Variants in EFCAB13 observed in about 807,000 individuals in gnomAD.
EFCAB13 encodes EF-hand calcium binding domain 13, also known as EF-hand calcium-binding domain-containing protein 13.
EFCAB13 carries 91 observed loss-of-function variants against 110.2 expected under a neutral mutation model. The ratio of observed to expected loss-of-function variants is 0.83; its 90% CI spans 0.70 to 0.98. The LOEUF is 0.98. Ranked by LOEUF, EFCAB13 falls within the 50% of genes least tolerant of loss-of-function variation. EFCAB13 has a pLI of 0.00. For missense variants in EFCAB13, 968 were observed against 1,119.4 expected (o/e 0.86, Z 1.93); for synonymous variants, 323 against 369.9 (o/e 0.87, Z 1.45).
intron 2 of EFCAB13, 67 bp downstream of exon 2, chr17:47,324,590 A>G (rs768080935): frequency 1.3e-5 from 2 of 152,172 alleles, no homozygotes; most frequent in Non-Finnish European, 2.9e-5. Context: ...ACGTTCATGA[A>G]TGGCAGTAGC....
intron 10 of EFCAB13, among the ~76,000 whole-genome samples, chr17:47,364,106 A>G (rs2065532162): frequency 6.6e-6 from 1 of 152,132 alleles, no homozygotes; most frequent in Non-Finnish European, 1.5e-5. Flanking sequence ...TACTAATTTT[A>G]TAGAATTGTT....
At chr17:47,433,605 G>A (rs3956021) in intron 24 of EFCAB13, among the ~76,000 whole-genome samples, 7,609 of 152,246 alleles carry the variant, frequency 0.05, 250 homozygotes, top group East Asian at 0.11. Flanking sequence ...CAGATGAATT[G>A]CTAGCCTGTA....
intron 24 of EFCAB13, among the ~76,000 whole-genome samples, chr17:47,438,452 A>C (rs1451355960): frequency 6.6e-6 from 1 of 151,580 alleles, no homozygotes; most frequent in Non-Finnish European, 1.5e-5. Flanking sequence ...TTGGTTGTTT[A>C]ACATAATCAC....
At chr17:47,380,074 G>T (rs556999702) in intron 14 of EFCAB13, among the ~76,000 whole-genome samples, 1 of 152,012 alleles carries the variant, frequency 6.6e-6, no homozygotes, top group African/African-American at 2.4e-5. Flanking sequence ...TGTTCAGTTT[G>T]TAAGCAAATA....
chr17:47,436,878 T>C (rs1905226400), intron 24 of EFCAB13, among the ~76,000 whole-genome samples: 1 of 152,122 alleles, frequency 6.6e-6, no homozygotes, highest in Admixed American at 6.6e-5. Context: ...GTTTGTGCTC[T>C]TTCAGTCTTT....
intron 14 of EFCAB13, 50 bp downstream of exon 14, chr17:47,379,303 TGA>T: frequency 6.9e-7 from 1 of 1,440,740 alleles, no homozygotes; most frequent in Non-Finnish European, 9.8e-7. Context: ...AGCAGTGTGT[TGA>T]GAAGAATTAG....
At chr17:47,436,222 G>C (rs1029454186) in intron 24 of EFCAB13, among the ~76,000 whole-genome samples, 1 of 152,116 alleles carries the variant, frequency 6.6e-6, no homozygotes, top group African/African-American at 2.4e-5. Context: ...AAGGATATCA[G>C]TCCGTAGTTT....
At chr17:47,411,824 T>A (rs1477637909) in intron 21 of EFCAB13, among the ~76,000 whole-genome samples, 1 of 152,180 alleles carries the variant, frequency 6.6e-6, no homozygotes, top group African/African-American at 2.4e-5. Context: ...GGGTTTGGTG[T>A]CTGATGCCTG....
intron 11 of EFCAB13, among the ~76,000 whole-genome samples, chr17:47,374,055 G>A (rs1033060698): frequency 6.6e-6 from 1 of 152,038 alleles, no homozygotes; most frequent in African/African-American, 2.4e-5. Context: ...AGAATATTTA[G>A]GAGAGTAATT....
In EFCAB13 at chr17:47,341,920, G is replaced by A; in HGVS notation, c.192-1G>A. ...ATGATTCCAATTTCTGTGTCATTTA[G>A]ATTTGAAACATCAATAATCTTTTGT... On this transcript the variant is annotated splice_acceptor_variant, in intron 5 of 24. Coordinates refer to ENST00000331493, the MANE Select transcript of EFCAB13 (RefSeq NM_152347.5). LOFTEE classifies it high-confidence loss of function. 6.8e-7 allele frequency: 1 copy of A among 1,481,172 alleles called. No individual in the cohort carries two copies. The highest frequency in any genetic ancestry group is 9.2e-7 in the Non-Finnish European group (1 of 1,081,366). 91.8% of individuals were successfully genotyped at this position (1,481,172 alleles called of 1,614,324 possible).
intron 14 of EFCAB13, among the ~76,000 whole-genome samples, chr17:47,383,923 T>C (rs1397463602): frequency 6.6e-6 from 1 of 152,216 alleles, no homozygotes; most frequent in African/African-American, 2.4e-5. Context: ...AGCTGTCGAC[T>C]ATTGATAGTG....
Position 47,374,664 on chromosome 17 carries a change from C to G in EFCAB13, c.1070C>G (p.Ser357Cys). ...SKIMENDDLE[S>C]KRPKNTWQIR... is the part of the protein sequence containing the mutation. The stretch of plus-strand genomic sequence containing the variant: ...ATTATGGAGAATGATGACCTTGAAT[C>G]TAAAAGACCAAAAAATACTTGGCAA... The change falls in exon 12 of 25, where the codon TCT becomes TGT. Residue 357 changes from serine (S) to cysteine (C), a missense_variant. Physicochemically the swap from Ser to Cys is moderately radical, Grantham distance 112 (BLOSUM62 -1). Transcript: ENST00000331493. 6.2e-7 allele frequency: 1 copy of G among 1,610,884 alleles called. No homozygotes were observed. The highest frequency in any genetic ancestry group is 8.5e-7 in the Non-Finnish European group (1 of 1,179,274).
chr17:47,355,782 A>AGGTTGGCCT (rs1291333155), intron 9 of EFCAB13, among the ~76,000 whole-genome samples: 1 of 152,074 alleles, frequency 6.6e-6, no homozygotes, highest in Non-Finnish European at 1.5e-5. Context: ...CAGGTTGGCC[A>AGGTTGGCCT]GGATGGCCTC....
intron 14 of EFCAB13, among the ~76,000 whole-genome samples, chr17:47,386,923 G>A (rs1598744732): frequency 2.6e-5 from 4 of 151,416 alleles, no homozygotes; most frequent in African/African-American, 9.7e-5. Context: ...CTTCGTGGGT[G>A]AGGCGATGCC....
intron 9 of EFCAB13, 117 bp downstream of exon 9, chr17:47,348,068 T>G: frequency 1.3e-6 from 1 of 798,818 alleles, no homozygotes; most frequent in Non-Finnish European, 1.7e-6. Flanking sequence ...AACATCATTT[T>G]TGGTCATATT....
At chr17:47,397,976 GC>G (rs1269793721) in intron 17 of EFCAB13, among the ~76,000 whole-genome samples, 12 of 148,086 alleles carry the variant, frequency 8.1e-5, no homozygotes, top group East Asian at 6.2e-4. Context: ...GGGGGGGTCA[GC>G]CCCCCGCCCG....
At chr17:47,438,103 T>C (rs1049630932) in intron 24 of EFCAB13, among the ~76,000 whole-genome samples, 29 of 152,220 alleles carry the variant, frequency 1.9e-4, no homozygotes, top group African/African-American at 7.0e-4. Context: ...AGGCTGAAGA[T>C]AGGGCCCTAA....
chr17:47,392,945 G>T (rs960704261), intron 15 of EFCAB13, among the ~76,000 whole-genome samples: 1 of 152,166 alleles, frequency 6.6e-6, no homozygotes, highest in African/African-American at 2.4e-5. Context: ...GATGATTATC[G>T]TAGAGAATAT....
At chr17:47,435,715 T>G (rs1905200151) in intron 24 of EFCAB13, among the ~76,000 whole-genome samples, 1 of 88,152 alleles carries the variant, frequency 1.1e-5, no homozygotes, top group African/African-American at 5.1e-5. Flanking sequence ...GTTTTTGAGG[T>G]AAACAATCAT....
Sources: gnomAD v4.1 joint callset for allele counts (sites outside exome capture counted in the v4.1 genomes callset) on GRCh38, gnomAD v4.1.1 for gene constraint, MANE v1.5 for transcripts, NCBI Gene and HGNC (gene_info 2026-07-23, HGNC 2026-07-21) for gene names.